KIF1B: variants seen among roughly 807,000 people sequenced by gnomAD.
The protein encoded by KIF1B is kinesin family member 1B.
Under a neutral mutation model 241.9 loss-of-function variants are expected in KIF1B, and 76 were observed. That is an observed-to-expected ratio of 0.31 (90% CI 0.26 to 0.38). The LOEUF is 0.38. Ranked by LOEUF, KIF1B falls within the 10% of genes least tolerant of loss-of-function variation. The pLI is 1.00. For synonymous variants in KIF1B, 750 were observed against 796.7 expected (o/e 0.94, Z 0.99); for missense variants, 1,622 against 2,271.4 (o/e 0.71, Z 5.81).
chr1:10,309,675 GCTTGTCT>G, intron 22 of KIF1B, among the ~76,000 whole-genome samples: 1 of 151,430 alleles, frequency 6.6e-6, no homozygotes, highest in Non-Finnish European at 1.5e-5. Context: ...GAGTACCCTA[GCTTGTCT>G]CTTTGCTTCT....
chr1:10,313,315 C>T lies in KIF1B; in HGVS notation c.2116-6728C>T, dbSNP rs1033956016. On this transcript the variant is annotated intron_variant, in intron 22 of 48. Transcript: ENST00000676179. ...CTCCCGACCTCAGGTGATCCGTCCA[C>T]CTTGGCCTCCCAAAGTTCTGGGATT... Among the ~76,000 whole-genome samples the T allele has an allele frequency of 2.0e-5, 3 of 151,308 alleles. 1 individual carries two copies. The highest frequency in any genetic ancestry group is 4.9e-5 in the African/African-American group (2 of 40,674).
At chr1:10,235,738 T>C (rs1011679863) in intron 2 of KIF1B, among the ~76,000 whole-genome samples, 1 of 151,952 alleles carries the variant, frequency 6.6e-6, no homozygotes. Flanking sequence ...GGAGTGTGCC[T>C]GTAATCTCAG....
In KIF1B at chr1:10,231,979, G is replaced by A. The variant is rs1375297672; in HGVS notation, c.-79-271G>A. Among the ~76,000 whole-genome samples, 5 of 152,178 alleles carry A rather than the reference G, an allele frequency of 3.3e-5. No individual in the cohort carries two copies. The East Asian group carries it at 9.7e-4, about 29-fold the overall frequency. On this transcript the variant is annotated intron_variant, in intron 1 of 48. Coordinates refer to ENST00000676179, the MANE Select transcript of KIF1B (RefSeq NM_001365951.3). ...ATATAAGATTTGTCGGGGAGGCCAG[G>A]CACAGTGGTGTGTGCCTGTAGTCTG... is the stretch of plus-strand genomic sequence containing the variant.
chr1:10,296,482 A>T lies in KIF1B; in HGVS notation c.1778-100A>T. 4 of 987,356 alleles carry T rather than the reference A, an allele frequency of 4.1e-6. No individual in the cohort carries two copies. In the South Asian group the frequency reaches 4.1e-5, roughly 10 times the overall value. The allele number at this position is 987,356 out of a possible 1,614,324, so 61.2% of individuals were successfully genotyped here. A position where few individuals can be genotyped will look rare whatever the true frequency, so the allele number is the denominator to read the frequency against. ...TTCAGCCACTTGATTGATTGCAGGGATTTATTCTACTTACTGCAAATCCTG... is the reference window on the plus strand; with the variant it reads ...TTCAGCCACTTGATTGATTGCAGGGTTTTATTCTACTTACTGCAAATCCTG... On this transcript the variant is annotated intron_variant, in intron 19 of 48. Transcript: ENST00000676179.
At chr1:10,212,884 GTGTGTGTATATATA>G (rs1557638233) in intron 1 of KIF1B, among the ~76,000 whole-genome samples, 14 of 72,314 alleles carry the variant, frequency 1.9e-4, no homozygotes, top group African/African-American at 7.8e-4. Flanking sequence ...GTGTGCATGC[GTGTGTGTATATATA>G]TATATATATA....
intron 20 of KIF1B, 58 bp downstream of exon 20, chr1:10,296,723 T>C (rs1313560486): frequency 6.5e-7 from 1 of 1,528,828 alleles, no homozygotes; most frequent in Non-Finnish European, 9.1e-7. Context: ...CTGTGACAAC[T>C]CTAATTTTTG....
At chr1:10,264,491 A>C (rs1294362688) in intron 5 of KIF1B, among the ~76,000 whole-genome samples, 1 of 152,232 alleles carries the variant, frequency 6.6e-6, no homozygotes, top group Non-Finnish European at 1.5e-5. Context: ...AAAAGGTACG[A>C]GTGTTCCAAA....
chr1:10,352,488 C>A, intron 37 of KIF1B, 143 bp from the exon 38 acceptor site: 1 of 683,658 alleles, frequency 1.5e-6, no homozygotes, highest in Non-Finnish European at 2.7e-6. Context: ...TGGAGTCAGA[C>A]CGTGGAGGAC....
At chr1:10,244,252 T>G (rs552803377) in intron 2 of KIF1B, among the ~76,000 whole-genome samples, 1 of 152,170 alleles carries the variant, frequency 6.6e-6, no homozygotes, top group African/African-American at 2.4e-5. Flanking sequence ...GGTTTTATGG[T>G]TTTAAAATAT....
intron 4 of KIF1B, among the ~76,000 whole-genome samples, chr1:10,261,476 T>A (rs1345439670): frequency 4.0e-5 from 6 of 151,428 alleles, no homozygotes; most frequent in Non-Finnish European, 4.4e-5. Context: ...TCTCCTGACC[T>A]TGTGATCTGC....
At chr1:10,352,828 C>T (rs540139998) in intron 38 of KIF1B, 92 bp downstream of exon 38, 54 of 890,916 alleles carry the variant, frequency 6.1e-5, no homozygotes, top group Admixed American at 3.1e-4. Flanking sequence ...ACTCCCAGTT[C>T]GGACAAAGAA....
chr1:10,267,103 C>G (rs1274377752), intron 5 of KIF1B, among the ~76,000 whole-genome samples: 1 of 152,044 alleles, frequency 6.6e-6, no homozygotes, highest in Non-Finnish European at 1.5e-5. Context: ...CTCTAACCTC[C>G]ACCTCCCAGG....
At chr1:10,280,179 ATGTCT>A (rs147082195) in intron 14 of KIF1B, among the ~76,000 whole-genome samples, 2,853 of 152,168 alleles carry the variant, frequency 0.019, 40 homozygotes, top group Non-Finnish European at 0.028. Flanking sequence ...TAGAAGAAAA[ATGTCT>A]TGATTTTGGG....
At position 10,357,158 on chromosome 1, in the gene KIF1B, G is replaced by A. The variant is rs1638276318; in HGVS notation, c.4056-3771G>A. On this transcript the variant is annotated intron_variant, in intron 38 of 48. Transcript: ENST00000676179. ...ATCTCCCATAGTGCTGGGATTACAG[G>A]TGTGAGCTACCACAACTGACCAGAA... 2.6e-5 allele frequency among the ~76,000 whole-genome samples: 4 copies of A among 152,274 alleles called. No homozygotes were observed. The South Asian group carries it at 8.3e-4, about 32-fold the overall frequency.
intron 26 of KIF1B, among the ~76,000 whole-genome samples, chr1:10,325,507 A>G (rs1235325217): frequency 6.6e-6 from 1 of 152,232 alleles, no homozygotes; most frequent in Admixed American, 6.5e-5. Flanking sequence ...TGCTTTTTCA[A>G]TTGCAGAAAA....
chr1:10,272,969 T>G, intron 9 of KIF1B, 45 bp from the exon 10 acceptor site: 1 of 1,504,754 alleles, frequency 6.6e-7, no homozygotes, highest in Non-Finnish European at 9.0e-7. Context: ...ACTTGGAGGC[T>G]TATCCTGTGT....
At chr1:10,291,219 T>C in intron 16 of KIF1B, 58 bp downstream of exon 16, 1 of 1,164,796 alleles carries the variant, frequency 8.6e-7, no homozygotes. Flanking sequence ...TGGATTACTT[T>C]ATCGTAAGAA....
chr1:10,341,175 A>G (rs76900169), intron 32 of KIF1B, among the ~76,000 whole-genome samples: 2,903 of 152,368 alleles, frequency 0.019, 42 homozygotes, highest in Non-Finnish European at 0.028. Flanking sequence ...TCATGCAAAG[A>G]TGAACATGAG....
intron 40 of KIF1B, among the ~76,000 whole-genome samples, chr1:10,362,513 A>G (rs913519336): frequency 7.9e-5 from 12 of 151,532 alleles, no homozygotes; most frequent in African/African-American, 2.9e-4. Flanking sequence ...GAAAAAAAAA[A>G]AAAAGAAAGA....
Sources: allele counts gnomAD v4.1 joint callset (sites outside exome capture counted in the v4.1 genomes callset), GRCh38; gene constraint gnomAD v4.1.1; transcripts MANE v1.5; gene names NCBI Gene and HGNC (gene_info 2026-07-23, HGNC 2026-07-21).